The following MLLT10 variants were observed in gnomAD, a reference collection of about 807,000 sequenced individuals.
MLLT10 encodes MLLT10 histone lysine methyltransferase DOT1L cofactor.
MLLT10 carries 30 observed loss-of-function variants against 129.1 expected under a neutral mutation model. The ratio of observed to expected loss-of-function variants is 0.23; its 90% confidence interval spans 0.17 to 0.32. MLLT10 has a LOEUF of 0.32. MLLT10 is among the 10% of genes least tolerant of loss of function. The probability of loss-of-function intolerance (pLI) is 1.00; values close to 1 mark genes in which losing one functional copy is unlikely to be tolerated. For missense variants in MLLT10, 1,119 were observed against 1,268.3 expected, an observed-to-expected ratio of 0.88 and a Z score of 1.79; for synonymous variants, 490 against 446.4, an observed-to-expected ratio of 1.10 and a Z score of -1.23.
At chr10:21,590,495 T>C (rs555338360) in intron 4 of MLLT10, among the ~76,000 whole-genome samples, 1 of 152,142 alleles carries the variant, frequency 6.6e-6, no homozygotes, top group Non-Finnish European at 1.5e-5. Flanking sequence ...GGCACTACCA[T>C]GCCCAGCTAA....
chr10:21,660,255 A>G (rs1589483286), intron 9 of MLLT10, among the ~76,000 whole-genome samples: 1 of 143,846 alleles, frequency 7.0e-6, no homozygotes, highest in Non-Finnish European at 1.5e-5. Flanking sequence ...GGCGTGAGCC[A>G]CCATGCCTGG....
Position 21,629,127 on chromosome 10 carries a change from T to C in MLLT10, c.699+11920T>C, listed in dbSNP as rs566407392. Reference sequence around the variant, plus strand: ...TTTTTTTTTTGCTGCATGAATTTTTTCTTAGGGCCTTTTGAGTGCCATGTG... The same window carrying C: ...TTTTTTTTTTGCTGCATGAATTTTTCCTTAGGGCCTTTTGAGTGCCATGTG... On this transcript the variant is annotated intron_variant, in intron 8 of 22. Coordinates refer to ENST00000307729, the MANE Select transcript of MLLT10 (RefSeq NM_001195626.3). Among the ~76,000 whole-genome samples the C allele has an allele frequency of 7.9e-5, 12 of 152,098 alleles. No homozygotes were observed. In the South Asian group the frequency reaches 2.5e-3, roughly 32 times the overall value.
chr10:21,689,561 A>ATATGTGTATATATATATATATG (rs1554850017), intron 13 of MLLT10, among the ~76,000 whole-genome samples: 13 of 90,138 alleles, frequency 1.4e-4, no homozygotes, highest in African/African-American at 5.9e-4. Context: ...ATATATATAT[A>ATATGTGTATATATATATATATG]TATGTATATA....
At chr10:21,664,697 G>A (rs533106501) in intron 9 of MLLT10, among the ~76,000 whole-genome samples, 12 of 152,002 alleles carry the variant, frequency 7.9e-5, no homozygotes, top group South Asian at 2.1e-4. Context: ...ATCCTTACTC[G>A]TTTTTTGCTT....
chr10:21,584,270 T>C (rs1316762385), intron 3 of MLLT10, among the ~76,000 whole-genome samples: 1 of 151,376 alleles, frequency 6.6e-6, no homozygotes. Flanking sequence ...TTCAAGTGAT[T>C]CTCCTGCCTC....
intron 21 of MLLT10, among the ~76,000 whole-genome samples, chr10:21,736,787 G>A (rs561089601): frequency 6.6e-6 from 1 of 152,346 alleles, no homozygotes; most frequent in African/African-American, 2.4e-5. Context: ...CAGTTGCACA[G>A]TAGGTGTCTG....
intron 14 of MLLT10, among the ~76,000 whole-genome samples, chr10:21,717,448 C>G (rs2056669206): frequency 6.7e-6 from 1 of 149,902 alleles, no homozygotes; most frequent in Non-Finnish European, 1.5e-5. Flanking sequence ...GGGGAAAAAA[C>G]CTTTAAAAAA....
At chr10:21,630,976 C>T (rs115778621) in intron 8 of MLLT10, among the ~76,000 whole-genome samples, 1 of 152,088 alleles carries the variant, frequency 6.6e-6, no homozygotes, top group Non-Finnish European at 1.5e-5. Context: ...TACTGTGGTT[C>T]AAGGTCTTAC....
At chr10:21,662,040 G>A (rs1365717213) in intron 9 of MLLT10, among the ~76,000 whole-genome samples, 1 of 151,476 alleles carries the variant, frequency 6.6e-6, no homozygotes, top group Non-Finnish European at 1.5e-5. Context: ...CACACTTTAA[G>A]TGTTTTATTT....
intron 13 of MLLT10, among the ~76,000 whole-genome samples, chr10:21,709,830 CA>C (rs2055903330): frequency 6.6e-6 from 1 of 152,054 alleles, no homozygotes; most frequent in South Asian, 2.1e-4. Context: ...CTCAACCTCC[CA>C]GGCTCAAGCA....
intron 10 of MLLT10, among the ~76,000 whole-genome samples, chr10:21,672,803 C>T (rs1372716562): frequency 6.6e-6 from 1 of 152,156 alleles, no homozygotes; most frequent in South Asian, 2.1e-4. Context: ...CAATAACAAT[C>T]ACTAGTATGT....
chr10:21,729,877 T>C (rs1437735085), intron 16 of MLLT10, among the ~76,000 whole-genome samples: 1 of 152,216 alleles, frequency 6.6e-6, no homozygotes, highest in Non-Finnish European at 1.5e-5. Flanking sequence ...CATTACATGT[T>C]CATCTTAATA....
chr10:21,557,047 A>T (rs2038118951), intron 3 of MLLT10: 1 of 1,416,374 alleles, frequency 7.1e-7, no homozygotes. Context: ...TGTTTACTTG[A>T]TTTTTTCCCA....
intron 14 of MLLT10, 88 bp downstream of exon 14, chr10:21,714,038 G>T: frequency 8.8e-7 from 1 of 1,135,100 alleles, no homozygotes; most frequent in South Asian, 1.7e-5. Context: ...AAATGACATA[G>T]GGCCTTCTAT....
chr10:21,585,029 C>T (rs1037546884), intron 3 of MLLT10, among the ~76,000 whole-genome samples: 21 of 151,858 alleles, frequency 1.4e-4, no homozygotes, highest in Admixed American at 3.3e-4. Context: ...TTGATCTGCC[C>T]GCCTCAGCCT....
At chr10:21,669,205 C>T (rs941295417) in intron 9 of MLLT10, among the ~76,000 whole-genome samples, 4 of 151,652 alleles carry the variant, frequency 2.6e-5, no homozygotes, top group Admixed American at 2.6e-4. Flanking sequence ...AATATTTCTT[C>T]TATTTAATGA....
Position 21,727,909 on chromosome 10 carries a change from C to A in MLLT10, c.2044C>A (p.Arg682=). The stretch of plus-strand genomic sequence containing the variant: ...CCTAGTTGGCAGAGGAAGCTCACCC[C>A]GAGGAAGTCTCTCGCCACGGTAAGC... ...RNLVGRGSSP[R]GSLSPRSPVS... The change falls in exon 16 of 23, where the codon CGA becomes AGA. Residue 682 remains arginine, a synonymous_variant. Transcript: ENST00000307729. 1 of 1,613,916 alleles carries A rather than the reference C, an allele frequency of 6.2e-7. No homozygotes were observed. Among genetic ancestry groups the A allele is most frequent in the East Asian group, 2.2e-5 (1 of 44,876 alleles).
chr10:21,660,472 C>A (rs986436401), intron 9 of MLLT10, among the ~76,000 whole-genome samples: 2 of 150,898 alleles, frequency 1.3e-5, no homozygotes, highest in African/African-American at 4.9e-5. Flanking sequence ...AAAAATTAGC[C>A]GGGCATCGTG....
In MLLT10 at chr10:21,552,982, G is replaced by A. The variant is rs77421041; in HGVS notation, c.240+14070G>A. On this transcript the variant is annotated intron_variant, in intron 3 of 22. Transcript: ENST00000307729. ...CCATCTGCTTGCTCCCATCTGGTCT[G>A]TTTGCTCCTTAGGCTTGCTGGAGCA... Among the ~76,000 whole-genome samples the A allele has an allele frequency of 1.2e-3, 181 of 151,714 alleles. 4 individuals carry two copies. The East Asian group carries it at 0.031, about 26-fold the overall frequency.
Sources: allele counts gnomAD v4.1 joint callset (sites outside exome capture counted in the v4.1 genomes callset), GRCh38; gene constraint gnomAD v4.1.1; transcripts MANE v1.5; gene names NCBI Gene and HGNC (gene_info 2026-07-23, HGNC 2026-07-21).